LMBR1: variants seen among roughly 807,000 people sequenced by gnomAD.
LMBR1 encodes limb development membrane protein 1.
LMBR1 carries 52 observed loss-of-function variants against 73.9 expected under a neutral mutation model. That is an observed-to-expected ratio of 0.70 (90% CI 0.56 to 0.89). The LOEUF (loss-of-function observed/expected upper bound fraction) is 0.89. Among genes scored for constraint, LMBR1 ranks in the 40% least tolerant of loss-of-function variants. LMBR1 has a pLI of 0.00. For missense variants in LMBR1, 539 were observed against 579.8 expected (o/e 0.93, Z 0.72); for synonymous variants, 215 against 209.4 (o/e 1.03, Z -0.23).
chr7:156,696,397 A>G (rs1808291204), intron 15 of LMBR1, among the ~76,000 whole-genome samples: 1 of 152,248 alleles, frequency 6.6e-6, no homozygotes, highest in East Asian at 1.9e-4. Context: ...AAAATTAACA[A>G]AAGATCTTAA....
chr7:156,815,868 C>T (rs977775829), intron 4 of LMBR1, among the ~76,000 whole-genome samples: 1 of 152,040 alleles, frequency 6.6e-6, no homozygotes, highest in African/African-American at 2.4e-5. Context: ...TAACTTTTAA[C>T]ATCCAGAGAA....
At chr7:156,806,363 T>C (rs911658401) in intron 4 of LMBR1, among the ~76,000 whole-genome samples, 1 of 152,174 alleles carries the variant, frequency 6.6e-6, no homozygotes, top group South Asian at 2.1e-4. Flanking sequence ...CTGGTTCCAA[T>C]AGCTTTTTTA....
At position 156,727,884 on chromosome 7, in the gene LMBR1, A is replaced by G. The variant is rs757932223; in HGVS notation, c.993+46T>C. The G allele has an allele frequency of 5.2e-6, 7 of 1,340,500 alleles. No individual in the cohort carries two copies. The South Asian group carries it at 6.0e-5, about 11-fold the overall frequency. The allele number at this position is 1,340,500 out of a possible 1,614,324, so 83.0% of individuals were successfully genotyped here. ...CTTGAAATACTCAGGGTATAGACAT[A>G]GAATACTTTTGCAAAAGAAAGACAT... On this transcript the variant is annotated intron_variant, in intron 12 of 16. Transcript: ENST00000353442.
At chr7:156,888,211 C>A (rs1185281475) in intron 1 of LMBR1, among the ~76,000 whole-genome samples, 1 of 151,130 alleles carries the variant, frequency 6.6e-6, no homozygotes, top group Non-Finnish European at 1.5e-5. Flanking sequence ...GAGATCAAGA[C>A]CTTCCTGGCT....
intron 1 of LMBR1, among the ~76,000 whole-genome samples, chr7:156,876,601 T>C (rs1279330206): frequency 6.6e-5 from 10 of 152,000 alleles, no homozygotes; most frequent in South Asian, 4.2e-4. Context: ...TTTAAGAAAA[T>C]TGAAATTATA....
At chr7:156,813,681 ATTCT>A (rs1402784307) in intron 4 of LMBR1, among the ~76,000 whole-genome samples, 2 of 152,172 alleles carry the variant, frequency 1.3e-5, no homozygotes, top group Non-Finnish European at 2.9e-5. Flanking sequence ...CTTTTCCCAC[ATTCT>A]TTCTATTATG....
chr7:156,727,364 G>C (rs568911182), intron 12 of LMBR1, among the ~76,000 whole-genome samples: 2 of 152,056 alleles, frequency 1.3e-5, no homozygotes, highest in African/African-American at 4.8e-5. Context: ...TTGTTTTGTT[G>C]GTATAGTAAA....
chr7:156,885,819 C>A (rs1247424827), intron 1 of LMBR1, among the ~76,000 whole-genome samples: 1 of 151,872 alleles, frequency 6.6e-6, no homozygotes, highest in African/African-American at 2.4e-5. Context: ...CAGAGGTTAT[C>A]GTGAGCCGAG....
At chr7:156,855,562 C>A (rs182329535) in intron 1 of LMBR1, among the ~76,000 whole-genome samples, 32 of 149,312 alleles carry the variant, frequency 2.1e-4, no homozygotes, top group Admixed American at 3.4e-4. Flanking sequence ...AGACAGAAAG[C>A]AACAGATAAA....
chr7:156,716,803 A>C (rs1422521848), intron 15 of LMBR1, among the ~76,000 whole-genome samples: 1 of 152,184 alleles, frequency 6.6e-6, no homozygotes, highest in Non-Finnish European at 1.5e-5. Context: ...TCTCACTTTT[A>C]AAAAGGAAAA....
intron 1 of LMBR1, among the ~76,000 whole-genome samples, chr7:156,857,651 A>G (rs537685164): frequency 4.6e-5 from 7 of 152,188 alleles, no homozygotes; most frequent in Non-Finnish European, 8.8e-5. Context: ...ATAGCACAAT[A>G]TGCATTCTTC....
chr7:156,706,546 T>C (rs750723756), intron 15 of LMBR1, among the ~76,000 whole-genome samples: 5 of 152,036 alleles, frequency 3.3e-5, no homozygotes, highest in Non-Finnish European at 7.4e-5. Flanking sequence ...TTTTCATGCA[T>C]CAATATCACG....
At chr7:156,736,231 G>A (rs76666294) in intron 9 of LMBR1, among the ~76,000 whole-genome samples, 2,804 of 152,184 alleles carry the variant, frequency 0.018, 39 homozygotes, top group Non-Finnish European at 0.03. Context: ...TCCAAATCAG[G>A]TACTTTACTA....
chr7:156,859,211 G>A (rs1212178956), intron 1 of LMBR1, among the ~76,000 whole-genome samples: 1 of 149,610 alleles, frequency 6.7e-6, no homozygotes, highest in Admixed American at 6.7e-5. Flanking sequence ...TTGCGCCATT[G>A]CAGTCCAGCC....
intron 8 of LMBR1, among the ~76,000 whole-genome samples, chr7:156,760,325 C>T (rs1049668440): frequency 3.9e-5 from 6 of 152,054 alleles, no homozygotes; most frequent in African/African-American, 1.4e-4. Flanking sequence ...TAAGTAGTTT[C>T]GTTTTATATA....
chr7:156,731,770 C>T (rs751219262), intron 10 of LMBR1, among the ~76,000 whole-genome samples: 3 of 152,024 alleles, frequency 2.0e-5, no homozygotes, highest in Non-Finnish European at 4.4e-5. Flanking sequence ...TCCACTAAGT[C>T]AGTAAAAATT....
downstream of LMBR1, chr7:156,675,886 C>T: frequency 6.2e-7 from 1 of 1,605,866 alleles, no homozygotes; most frequent in South Asian, 1.1e-5. Flanking sequence ...GGCAGCCTGG[C>T]AACCAGCAGA....
At chr7:156,835,374 T>C (rs1403910953) in intron 2 of LMBR1, among the ~76,000 whole-genome samples, 1 of 152,134 alleles carries the variant, frequency 6.6e-6, no homozygotes, top group Non-Finnish European at 1.5e-5. Flanking sequence ...TTAATTTTTA[T>C]ATACTGTTGT....
At chr7:156,800,482 CAAAAAAAA>C (rs1245017996) in intron 4 of LMBR1, among the ~76,000 whole-genome samples, 25 of 81,040 alleles carry the variant, frequency 3.1e-4, no homozygotes, top group African/African-American at 1.2e-3. Flanking sequence ...ACTTGCTACT[CAAAAAAAA>C]AAAAAAAAAA....
Sources: gnomAD v4.1 joint callset for allele counts (sites outside exome capture counted in the v4.1 genomes callset) on GRCh38, gnomAD v4.1.1 for gene constraint, MANE v1.5 for transcripts, NCBI Gene and HGNC (gene_info 2026-07-23, HGNC 2026-07-21) for gene names.